PTPRT: variants seen among roughly 807,000 people sequenced by gnomAD.
PTPRT encodes receptor-type tyrosine-protein phosphatase T.
PTPRT carries 56 observed loss-of-function variants against 176.8 expected under a neutral mutation model. The observed-to-expected ratio is 0.32, with a 90% CI of 0.26 to 0.40. The LOEUF is 0.40. PTPRT is among the 10% of genes least tolerant of loss of function. PTPRT has a pLI of 1.00. For missense variants in PTPRT, 1,540 were observed against 1,908.2 expected, an observed-to-expected ratio of 0.81 and a Z score of 3.60; for synonymous variants, 783 against 739.0, an observed-to-expected ratio of 1.06 and a Z score of -0.96.
intron 7 of PTPRT, among the ~76,000 whole-genome samples, chr20:42,586,606 A>G (rs1302525442): frequency 1.3e-5 from 2 of 152,064 alleles, no homozygotes; most frequent in African/African-American, 2.4e-5. Flanking sequence ...CTCCTACACA[A>G]CCTCAAGGTA....
chr20:42,998,603 C>T (rs1243128281), intron 1 of PTPRT, among the ~76,000 whole-genome samples: 2 of 152,044 alleles, frequency 1.3e-5, no homozygotes, highest in Non-Finnish European at 2.9e-5. Context: ...AATAGGTGCT[C>T]AATAAATATT....
chr20:43,162,310 T>C (rs2146443118), intron 1 of PTPRT, among the ~76,000 whole-genome samples: 1 of 152,362 alleles, frequency 6.6e-6, no homozygotes, highest in Non-Finnish European at 1.5e-5. Context: ...TATACATGCA[T>C]TAACTCACTT....
intron 7 of PTPRT, among the ~76,000 whole-genome samples, chr20:42,605,939 T>G (rs938876254): frequency 7.2e-5 from 11 of 152,232 alleles, no homozygotes; most frequent in African/African-American, 2.4e-4. Flanking sequence ...CGATCCTTCA[T>G]GAGCCTGATG....
At chr20:42,248,435 G>T (rs183285267) in intron 14 of PTPRT, among the ~76,000 whole-genome samples, 1 of 152,100 alleles carries the variant, frequency 6.6e-6, no homozygotes, top group Non-Finnish European at 1.5e-5. Flanking sequence ...ATGGCACATC[G>T]CGGTGGCCCA....
chr20:42,774,830 G>GGC (rs2077111277), intron 4 of PTPRT, among the ~76,000 whole-genome samples: 1 of 152,108 alleles, frequency 6.6e-6, no homozygotes, highest in Non-Finnish European at 1.5e-5. Flanking sequence ...GGTCATCCTT[G>GGC]GCTCATGACA....
chr20:42,980,528 C>T (rs781002746), intron 1 of PTPRT, among the ~76,000 whole-genome samples: 12 of 152,180 alleles, frequency 7.9e-5, no homozygotes, highest in Non-Finnish European at 1.3e-4. Flanking sequence ...TATTCAAATT[C>T]GAAGACAAAT....
chr20:42,470,468 T>C (rs892873789), intron 8 of PTPRT, among the ~76,000 whole-genome samples: 1 of 152,138 alleles, frequency 6.6e-6, no homozygotes, highest in Non-Finnish European at 1.5e-5. Context: ...GAAAACTTTC[T>C]TAATCAGTCA....
chr20:42,200,061 T>TACAC (rs3086759), intron 15 of PTPRT, among the ~76,000 whole-genome samples: 122 of 140,546 alleles, frequency 8.7e-4, no homozygotes, highest in Middle Eastern at 3.6e-3. Context: ...CACAAAAAAA[T>TACAC]ACACACACAC....
At chr20:42,494,003 C>T (rs758275224) in intron 7 of PTPRT, among the ~76,000 whole-genome samples, 11 of 152,142 alleles carry the variant, frequency 7.2e-5, no homozygotes, top group Admixed American at 2.0e-4. Flanking sequence ...AAGTCTTACC[C>T]TAAAATGGAC....
intron 2 of PTPRT, among the ~76,000 whole-genome samples, chr20:42,838,882 T>C (rs1040417681): frequency 5.3e-5 from 8 of 152,138 alleles, no homozygotes; most frequent in Admixed American, 4.6e-4. Context: ...GGGGAGTCCT[T>C]GCCCCCTTTA....
At chr20:43,152,977 A>G (rs994618174) in intron 1 of PTPRT, among the ~76,000 whole-genome samples, 4 of 152,092 alleles carry the variant, frequency 2.6e-5, no homozygotes, top group African/African-American at 9.7e-5. Flanking sequence ...ACCAGGTTTT[A>G]TCTACTCCCT....
At position 42,078,716 on chromosome 20, in the gene PTPRT, G is replaced by T. The variant is rs1040774521; in HGVS notation, c.*2163C>A. On this transcript the variant is annotated 3_prime_UTR_variant, in exon 31 of 31. Transcript: ENST00000373187. ...CCCGTGTTGTGCTGTGCCCGCACTGGGCTGGCCTCCCCCAGACTGCTTCTC... is the reference window on the plus strand; with the variant it reads ...CCCGTGTTGTGCTGTGCCCGCACTGTGCTGGCCTCCCCCAGACTGCTTCTC... 1.1e-5 allele frequency: 2 copies of T among 178,846 alleles called. No individual in the cohort carries two copies. Among genetic ancestry groups the T allele is most frequent in the Non-Finnish European group, 1.2e-5 (1 of 83,472 alleles). The allele number at this position is 178,846 out of a possible 1,614,324, so 11.1% of individuals were successfully genotyped here.
At chr20:42,606,736 G>A (rs984450487) in intron 7 of PTPRT, 4 of 152,088 alleles carry the variant, frequency 2.6e-5, no homozygotes, top group African/African-American at 9.7e-5. Flanking sequence ...TGCTCTACAT[G>A]GTCATTTGAG....
intron 11 of PTPRT, among the ~76,000 whole-genome samples, chr20:42,344,059 C>A (rs1482003913): frequency 6.6e-6 from 1 of 152,162 alleles, no homozygotes; most frequent in Admixed American, 6.5e-5. Flanking sequence ...GCCACCACAC[C>A]CAACGCATTT....
intron 1 of PTPRT, among the ~76,000 whole-genome samples, chr20:43,107,715 A>T (rs979289974): frequency 4.6e-5 from 7 of 152,238 alleles, no homozygotes; most frequent in African/African-American, 1.7e-4. Context: ...AGAAGAGGAA[A>T]ATCATCAGGA....
At chr20:42,413,411 G>T (rs2059035401) in intron 9 of PTPRT, among the ~76,000 whole-genome samples, 1 of 152,082 alleles carries the variant, frequency 6.6e-6, no homozygotes, top group Non-Finnish European at 1.5e-5. Flanking sequence ...GACATAAAAA[G>T]TGAAAGACAA....
chr20:42,092,218 T>C (rs1568919591), intron 27 of PTPRT, among the ~76,000 whole-genome samples: 1 of 152,170 alleles, frequency 6.6e-6, no homozygotes, highest in Non-Finnish European at 1.5e-5. Flanking sequence ...AGAGGATGTG[T>C]GATGTTCAAC....
intron 1 of PTPRT, among the ~76,000 whole-genome samples, chr20:43,015,817 A>G (rs989408567): frequency 6.6e-6 from 1 of 152,096 alleles, no homozygotes; most frequent in East Asian, 1.9e-4. Flanking sequence ...TAGCTTTGCA[A>G]TTCATATAAG....
chr20:42,296,275 G>A (rs778308633), intron 12 of PTPRT, among the ~76,000 whole-genome samples: 5 of 152,008 alleles, frequency 3.3e-5, no homozygotes, highest in Admixed American at 1.3e-4. Context: ...GTGAAACCCC[G>A]TCTTTACTAA....
Sources: gnomAD v4.1 joint callset for allele counts (sites outside exome capture counted in the v4.1 genomes callset) on GRCh38, gnomAD v4.1.1 for gene constraint, MANE v1.5 for transcripts, NCBI Gene and HGNC (gene_info 2026-07-23, HGNC 2026-07-21) for gene names.